USP6: variants seen among roughly 807,000 people sequenced by gnomAD.
USP6 encodes ubiquitin specific peptidase 6, also known as ubiquitin carboxyl-terminal hydrolase 6.
USP6 carries 128 observed loss-of-function variants against 175.7 expected under a neutral mutation model. That is an observed-to-expected ratio of 0.73 (90% CI 0.63 to 0.84). The LOEUF is 0.84. USP6 is among the 40% of genes least tolerant of loss of function. The pLI, the probability that USP6 is intolerant of heterozygous loss-of-function variation, is 0.00. For missense variants in USP6, 1,498 were observed against 1,760.3 expected, an observed-to-expected ratio of 0.85 and a Z score of 2.67; for synonymous variants, 562 against 630.6, an observed-to-expected ratio of 0.89 and a Z score of 1.63.
At chr17:5,149,389 C>T (rs117092470) in intron 30 of USP6, among the ~76,000 whole-genome samples, 6 of 151,624 alleles carry the variant, frequency 4.0e-5, no homozygotes, top group Non-Finnish European at 7.4e-5. Context: ...GGTGGTAAAG[C>T]GAGACTTCAT....
Position 5,132,190 on chromosome 17 carries a change from C to A in USP6, c.156-206C>A. 5 of 1,534,188 alleles carry A rather than the reference C, an allele frequency of 3.3e-6. No individual in the cohort carries two copies. The highest frequency in any genetic ancestry group is 4.4e-6 in the Non-Finnish European group (5 of 1,137,578). On this transcript the variant is annotated intron_variant, in intron 11 of 37. Coordinates refer to ENST00000574788, the MANE Select transcript of USP6 (RefSeq NM_001304284.2). The surrounding 1 kb of genome is among the most constrained non-coding windows in gnomAD (Gnocchi z 4.7). ...GCCCCAGTAACCCCAGCCAGGCTGT[C>A]CCTGCACTCCTTCTTCTCCCAGGTC...
chr17:5,159,170 C>T (rs1049781464), intron 31 of USP6, among the ~76,000 whole-genome samples: 3 of 151,964 alleles, frequency 2.0e-5, no homozygotes, highest in Non-Finnish European at 4.4e-5. Flanking sequence ...TTCAGGGCAG[C>T]GATTGGAGGT....
At chr17:5,130,261 T>C (rs1439314930) in intron 9 of USP6, 106 bp from the exon 10 acceptor site, 4 of 1,082,516 alleles carry the variant, frequency 3.7e-6, no homozygotes, top group Non-Finnish European at 5.6e-6. Flanking sequence ...AGTGGTGGAA[T>C]GAAGGTTATA....
chr17:5,118,899 G>A (rs1356086017), intron 2 of USP6, among the ~76,000 whole-genome samples: 1 of 152,192 alleles, frequency 6.6e-6, no homozygotes, highest in African/African-American at 2.4e-5. Flanking sequence ...GCAGCCATAG[G>A]TATTTTTGGA....
intron 7 of USP6, chr17:5,128,539 CG>C: frequency 6.6e-6 from 1 of 152,428 alleles, no homozygotes; most frequent in Non-Finnish European, 1.5e-5. Flanking sequence ...TCCTGGGCTC[CG>C]GGGGTGACAG....
chr17:5,149,835 CTG>C (rs887241311), intron 30 of USP6, among the ~76,000 whole-genome samples: 11 of 152,028 alleles, frequency 7.2e-5, no homozygotes, highest in African/African-American at 2.7e-4. Flanking sequence ...GGTTTGAAAA[CTG>C]TGGTCAGTGG....
rs916210450 is a variant in USP6 at position 5,124,602 on chromosome 17, G to C, written c.-1262G>C. On this transcript the variant is annotated 5_prime_UTR_variant, in exon 5 of 38. Transcript: ENST00000574788. Reference sequence around the variant, plus strand: ...GAAGACGTCCACCCACACATCAGGAGACAGGCCTGGAACAGAGCCTTCCTG... The same window carrying C: ...GAAGACGTCCACCCACACATCAGGACACAGGCCTGGAACAGAGCCTTCCTG... The C allele has an allele frequency of 2.0e-5, 3 of 152,354 alleles. No homozygotes were observed. Among genetic ancestry groups the C allele is most frequent in the African/African-American group, 7.2e-5 (3 of 41,456 alleles). 9.4% of individuals were successfully genotyped at this position (152,354 alleles called of 1,614,324 possible).
Position 5,147,093 on chromosome 17 carries a change from A to C in USP6, c.2330A>C (p.Gln777Pro). ...VHDSNIKNFP[Q>P]DNQKVQLSVS... is the part of the protein sequence containing the mutation. ...CTGCTGTTTCTGTAGAACTTTCCTC[A>C]GGATAACCAAAAAGTACAACTCTCA... is the stretch of plus-strand genomic sequence containing the variant. Residue 777 changes from glutamine (Q) to proline (P), a missense_variant, in exon 29 of 38, where the codon CAG becomes CCG. Gln to Pro is a moderately conservative substitution (Grantham distance 76). Transcript: ENST00000574788. 6.2e-7 allele frequency: 1 copy of C among 1,612,482 alleles called. No individual in the cohort carries two copies. Among genetic ancestry groups the C allele is most frequent in the South Asian group, 1.1e-5 (1 of 90,584 alleles).
At position 5,170,866 on chromosome 17, in the gene USP6, A is replaced by G; in HGVS notation, c.3905A>G (p.Gln1302Arg). ...AGTGAAGAAGACAGCACTGATGACC[A>G]AAGAGAAGACACTCATATTAAGCCT... ...NHSEEDSTDD[Q>R]REDTHIKPIY... The change falls in exon 36 of 38, where the codon CAA (glutamine) becomes CGA (arginine). Residue 1302 changes from glutamine (Q) to arginine (R), a missense_variant. Coordinates refer to ENST00000574788, the MANE Select transcript of USP6 (RefSeq NM_001304284.2). 1.2e-6 allele frequency: 2 copies of G among 1,612,534 alleles called. No individual in the cohort carries two copies. The highest frequency in any genetic ancestry group is 4.5e-5 in the East Asian group (2 of 44,906).
rs1449105494 is a variant in USP6, at chr17:5,139,325, G to A, written c.1149G>A (p.Lys383=). Residue 383 remains lysine, a synonymous_variant, in exon 22 of 38, where the codon AAG becomes AAA. Coordinates refer to ENST00000574788, the MANE Select transcript of USP6 (RefSeq NM_001304284.2). ...CACGTGGTGGGAAGACCCTCTGCAA[G>A]GGGTATAGGCAGGCCCCTCCAGGCC... is the stretch of plus-strand genomic sequence containing the variant. ...PASRGGKTLC[K]GYRQAPPGPP... 3 of 1,611,750 alleles carry A rather than the reference G, an allele frequency of 1.9e-6. No individual in the cohort carries two copies. The highest frequency in any genetic ancestry group is 1.3e-5 in the African/African-American group (1 of 75,058).
rs113388219 is a variant in USP6, at chr17:5,133,618, A to G, written c.384+68A>G. 1.3e-5 allele frequency: 17 copies of G among 1,303,972 alleles called. No individual in the cohort carries two copies. The African/African-American group carries it at 1.9e-4, about 15-fold the overall frequency. 80.8% of individuals were successfully genotyped at this position (1,303,972 alleles called of 1,614,324 possible). On this transcript the variant is annotated intron_variant, in intron 14 of 37. Transcript: ENST00000574788. ...GGGGCCCAGGTCTCCAGCTGGAGGG[A>G]ACGTCAAGCCCACCCTGGGGTGGGG...
At chr17:5,150,409 G>A (rs9915107) in intron 30 of USP6, among the ~76,000 whole-genome samples, 113,915 of 151,408 alleles carry the variant, frequency 0.75, 43,638 homozygotes, top group Non-Finnish European at 0.81. Flanking sequence ...AGAAAATGAA[G>A]TTGTAAAAAA....
chr17:5,150,734 C>G (rs2073747855), intron 30 of USP6, among the ~76,000 whole-genome samples: 1 of 152,088 alleles, frequency 6.6e-6, no homozygotes, highest in Non-Finnish European at 1.5e-5. Context: ...ACCTCGTGAT[C>G]TGCCTGCCTC....
intron 15 of USP6, chr17:5,134,780 G>A (rs575270224): frequency 3.5e-4 from 80 of 229,452 alleles, no homozygotes; most frequent in Admixed American, 8.8e-4. Context: ...AGGCCATTCT[G>A]GAAAAGGCCA....
chr17:5,137,801 C>T lies in USP6; in HGVS notation c.925+51C>T, dbSNP rs776187920. 3.1e-6 allele frequency: 5 copies of T among 1,600,182 alleles called. No individual in the cohort carries two copies. The East Asian group carries it at 9.0e-5, about 29-fold the overall frequency. ...CCTGGGGAGCCCTGCAGTCAGACCC[C>T]GACTGGCCCAAGGGCAGCTTCCTCA... On this transcript the variant is annotated intron_variant, in intron 20 of 37. Coordinates refer to ENST00000574788, the MANE Select transcript of USP6 (RefSeq NM_001304284.2).
At chr17:5,170,367 T>C (rs2074187003) in intron 35 of USP6, 112 bp from the exon 36 acceptor site, 3 of 1,470,234 alleles carry the variant, frequency 2.0e-6, no homozygotes, top group African/African-American at 1.4e-5. Context: ...ATGACTCCCC[T>C]GTCTTTACCT....
At position 5,158,478 on chromosome 17, in the gene USP6, A is replaced by G. The variant is rs138166021; in HGVS notation, c.2828+2872A>G. 7.4e-3 allele frequency among the ~76,000 whole-genome samples: 1,123 copies of G among 152,072 alleles called. 21 individuals carry two copies. The highest frequency in any genetic ancestry group is 0.025 in the African/African-American group (1,038 of 41,470). On this transcript the variant is annotated intron_variant, in intron 31 of 37. Transcript: ENST00000574788. ...GATACTTGGGTGGCTGAGGCATGAG[A>G]ATCACTTCAACCCTGGAGGTGGAAG...
intron 20 of USP6, 62 bp from the exon 21 acceptor site, chr17:5,138,059 A>G: frequency 6.2e-7 from 1 of 1,612,476 alleles, no homozygotes. Flanking sequence ...AAGTGGCCAC[A>G]GGGTATGAGC....
At chr17:5,136,013 G>T in intron 17 of USP6, 85 bp downstream of exon 17, 2 of 1,588,586 alleles carry the variant, frequency 1.3e-6, no homozygotes, top group South Asian at 1.1e-5. Flanking sequence ...TTCAGCCAAG[G>T]CACACTCCTT....
Sources: gnomAD v4.1 joint callset for allele counts (sites outside exome capture counted in the v4.1 genomes callset) on GRCh38, gnomAD v4.1.1 for gene constraint, Gnocchi (gnomAD v3.1) non-coding constraint, MANE v1.5 for transcripts, NCBI Gene and HGNC (gene_info 2026-07-23, HGNC 2026-07-21) for gene names.